Variants in MEI4 observed in about 807,000 individuals in gnomAD.
MEI4 encodes meiosis-specific protein MEI4.
MEI4 carries 27 observed loss-of-function variants against 31.4 expected under a neutral mutation model. The ratio of observed to expected loss-of-function variants is 0.86; its 90% CI spans 0.63 to 1.19. The LOEUF (loss-of-function observed/expected upper bound fraction) is 1.19, where lower values mean the gene tolerates loss of function less well. Among genes scored for constraint, MEI4 ranks in the 50% most tolerant of loss-of-function variants. MEI4 has a pLI of 0.00. For synonymous variants in MEI4, 122 were observed against 145.4 expected (o/e 0.84, Z 1.16); for missense variants, 329 against 398.9 (o/e 0.82, Z 1.49).
chr6:77,779,393 A>G (rs1768537862), intron 3 of MEI4, among the ~76,000 whole-genome samples: 1 of 152,178 alleles, frequency 6.6e-6, no homozygotes, highest in Non-Finnish European at 1.5e-5. Context: ...ATAATTTAGT[A>G]CCCTTGTCAC....
chr6:77,696,547 G>A (rs1331678999), intron 2 of MEI4, among the ~76,000 whole-genome samples: 6 of 151,600 alleles, frequency 4.0e-5, no homozygotes, highest in Non-Finnish European at 8.8e-5. Flanking sequence ...CTTTGGTTCT[G>A]TTTATATGCT....
intron 2 of MEI4, among the ~76,000 whole-genome samples, chr6:77,706,992 A>G (rs958257489): frequency 6.6e-6 from 1 of 151,450 alleles, no homozygotes; most frequent in Non-Finnish European, 1.5e-5. Context: ...GTACTAAACA[A>G]TGTGACGTTG....
chr6:77,911,732 T>A lies in MEI4; in HGVS notation c.901-11357T>A, dbSNP rs529883203. ...AATACATATATTTTATTTATATATATAATATATATATATATAAATACATCT... is the reference window on the plus strand; with the variant it reads ...AATACATATATTTTATTTATATATAAAATATATATATATATAAATACATCT... On this transcript the variant is annotated intron_variant, in intron 4 of 4. Coordinates refer to ENST00000684080, the MANE Select transcript of MEI4 (RefSeq NM_001322247.2). 1.1e-3 allele frequency among the ~76,000 whole-genome samples: 161 copies of A among 146,634 alleles called. 1 individual carries two copies. The highest frequency in any genetic ancestry group is 3.0e-3 in the African/African-American group (123 of 40,358).
intron 1 of MEI4, among the ~76,000 whole-genome samples, chr6:77,672,360 A>T (rs981641906): frequency 6.6e-6 from 1 of 152,206 alleles, no homozygotes; most frequent in East Asian, 1.9e-4. Context: ...AGTACCTGAA[A>T]TATCCTAGAG....
intron 4 of MEI4, among the ~76,000 whole-genome samples, chr6:77,875,621 A>G (rs1771315039): frequency 1.3e-5 from 2 of 152,188 alleles, no homozygotes; most frequent in Admixed American, 6.6e-5. Context: ...TTGGAAAGGG[A>G]TTTTTATCAT....
intron 2 of MEI4, among the ~76,000 whole-genome samples, chr6:77,748,669 T>C (rs1399533589): frequency 1.3e-5 from 2 of 152,258 alleles, no homozygotes; most frequent in Admixed American, 1.3e-4. Flanking sequence ...TATGTAAATT[T>C]CTGCAGCTGG....
At position 77,662,183 on chromosome 6, in the gene MEI4, G is replaced by C. The variant is rs560657303; in HGVS notation, c.-15+9091G>C. Among the ~76,000 whole-genome samples the C allele has an allele frequency of 2.0e-5, 3 of 152,304 alleles. No individual in the cohort carries two copies. The South Asian group carries it at 6.2e-4, about 32-fold the overall frequency. On this transcript the variant is annotated intron_variant, in intron 1 of 4. Transcript: ENST00000684080. The stretch of plus-strand genomic sequence containing the variant: ...GGCTTGAGTTAAGGCAACTAGTTCG[G>C]CTTGCTGAGAGGTAGTGGAGAGGGG...
chr6:77,905,761 G>A (rs1211129268), intron 4 of MEI4, among the ~76,000 whole-genome samples: 2 of 149,406 alleles, frequency 1.3e-5, no homozygotes, highest in Non-Finnish European at 3.0e-5. Context: ...CTCCCAGAGT[G>A]CTGAGATTAC....
At chr6:77,916,913 T>TC (rs70974694) in intron 4 of MEI4, among the ~76,000 whole-genome samples, 9,552 of 132,858 alleles carry the variant, frequency 0.072, 456 homozygotes, top group Non-Finnish European at 0.12. Flanking sequence ...ATGCTATCCC[T>TC]CCCCCCCTAC....
intron 2 of MEI4, among the ~76,000 whole-genome samples, chr6:77,729,007 C>T (rs1766901540): frequency 6.6e-6 from 1 of 152,154 alleles, no homozygotes; most frequent in Non-Finnish European, 1.5e-5. Flanking sequence ...ACAGTTAGAA[C>T]ATGTAAGGCT....
chr6:77,849,172 A>G (rs1465889307), intron 4 of MEI4, among the ~76,000 whole-genome samples: 1 of 152,192 alleles, frequency 6.6e-6, no homozygotes, highest in Non-Finnish European at 1.5e-5. Context: ...CCTAAAAATA[A>G]TTGTTGAATA....
intron 3 of MEI4, among the ~76,000 whole-genome samples, chr6:77,827,990 A>G (rs1300746344): frequency 1.3e-5 from 2 of 151,992 alleles, no homozygotes; most frequent in African/African-American, 4.8e-5. Context: ...TATTTTATTT[A>G]TAGTATTTAA....
chr6:77,779,552 T>C (rs1347472275), intron 3 of MEI4, among the ~76,000 whole-genome samples: 1 of 152,234 alleles, frequency 6.6e-6, no homozygotes, highest in East Asian at 1.9e-4. Flanking sequence ...GTATAAAAGT[T>C]ATCATATTTG....
chr6:77,696,830 A>C (rs1275011740), intron 2 of MEI4, among the ~76,000 whole-genome samples: 4 of 152,184 alleles, frequency 2.6e-5, no homozygotes, highest in African/African-American at 9.7e-5. Flanking sequence ...GAATAGTTTC[A>C]GAAGGAATGG....
Position 77,742,775 on chromosome 6 carries a change from A to T in MEI4, c.233-18355A>T, listed in dbSNP as rs867606212. Among the ~76,000 whole-genome samples the T allele has an allele frequency of 1.4e-3, 213 of 148,178 alleles. 2 individuals carry two copies. The highest frequency in any genetic ancestry group is 4.7e-3 in the African/African-American group (187 of 39,422). The stretch of plus-strand genomic sequence containing the variant: ...TTAGGTCTAACATGTAAGTCTTTAA[A>T]CCATCTTGAATTAATTTTTGTATAA... On this transcript the variant is annotated intron_variant, in intron 2 of 4. Transcript: ENST00000684080.
intron 4 of MEI4, among the ~76,000 whole-genome samples, chr6:77,852,042 T>C (rs1270507078): frequency 6.6e-6 from 1 of 152,186 alleles, no homozygotes; most frequent in Non-Finnish European, 1.5e-5. Context: ...TTAATCAAAT[T>C]ATCTTATTTA....
rs149015529 is a variant in MEI4, at chr6:77,734,225, G to A, written c.233-26905G>A. 9.2e-3 allele frequency among the ~76,000 whole-genome samples: 1,397 copies of A among 152,026 alleles called. 36 individuals are homozygous for A. Among genetic ancestry groups the A allele is most frequent in the African/African-American group, 0.032 (1,331 of 41,348 alleles). ...ATGATCTGTCTAATGTTGACAGTGCGGTGTTAACATCTCCCATTATTAATG... is the reference window on the plus strand; with the variant it reads ...ATGATCTGTCTAATGTTGACAGTGCAGTGTTAACATCTCCCATTATTAATG... On this transcript the variant is annotated intron_variant, in intron 2 of 4. Transcript: ENST00000684080.
At chr6:77,739,655 G>C (rs1767347045) in intron 2 of MEI4, among the ~76,000 whole-genome samples, 1 of 151,920 alleles carries the variant, frequency 6.6e-6, no homozygotes, top group South Asian at 2.1e-4. Context: ...GATAGGTACA[G>C]CAAACCACTA....
intron 3 of MEI4, among the ~76,000 whole-genome samples, chr6:77,824,559 A>C (rs190561384): frequency 9.9e-4 from 151 of 152,142 alleles, no homozygotes; most frequent in Non-Finnish European, 1.8e-3. Context: ...AAATTGTCTT[A>C]TATTGATATT....
Sources: gnomAD v4.1 joint callset for allele counts (sites outside exome capture counted in the v4.1 genomes callset) on GRCh38, gnomAD v4.1.1 for gene constraint, MANE v1.5 for transcripts, NCBI Gene and HGNC (gene_info 2026-07-23, HGNC 2026-07-21) for gene names.